LUZP2: variants seen among roughly 807,000 people sequenced by gnomAD.
LUZP2 encodes leucine zipper protein 2.
In LUZP2, 52 loss-of-function variants were observed where a neutral mutation model predicts 51.6. That is an observed-to-expected ratio of 1.01 (90% CI 0.81 to 1.27). The LOEUF (loss-of-function observed/expected upper bound fraction) is 1.27, where lower values mean the gene tolerates loss of function less well. LUZP2 is among the 50% of genes most tolerant of loss of function. The pLI is 0.00. For missense variants in LUZP2, 436 were observed against 395.4 expected, an observed-to-expected ratio of 1.10 and a Z score of -0.87; for synonymous variants, 154 against 137.3, an observed-to-expected ratio of 1.12 and a Z score of -0.85.
intron 1 of LUZP2, among the ~76,000 whole-genome samples, chr11:24,607,079 T>C (rs1853946835): frequency 6.6e-6 from 1 of 152,028 alleles, no homozygotes; most frequent in South Asian, 2.1e-4. Flanking sequence ...TTTTGTATTC[T>C]ATAGGCTTCC....
rs574265322 is a variant in LUZP2 at position 24,654,963 on chromosome 11, C to T, written c.63-74206C>T. Among the ~76,000 whole-genome samples the T allele has an allele frequency of 2.6e-5, 4 of 151,744 alleles. No homozygotes were observed. In the East Asian group the frequency reaches 7.8e-4, roughly 29 times the overall value. On this transcript the variant is annotated intron_variant, in intron 1 of 11. Transcript: ENST00000336930. ...TTTGTTTGGATACTTAGACTAAGTT[C>T]CTATAATAAACATAAAATGAGCCAA...
intron 9 of LUZP2, among the ~76,000 whole-genome samples, chr11:24,989,148 G>A (rs1333004122): frequency 3.3e-5 from 5 of 151,798 alleles, no homozygotes; most frequent in African/African-American, 1.2e-4. Flanking sequence ...AAATGTCAAT[G>A]GGAAGCCATC....
At chr11:24,891,487 T>A in intron 5 of LUZP2, 2 of 948,676 alleles carry the variant, frequency 2.1e-6, no homozygotes, top group Non-Finnish European at 2.5e-6. Context: ...ACTATAAAGC[T>A]ATATTATTAT....
At chr11:24,573,737 T>C in intron 1 of LUZP2, among the ~76,000 whole-genome samples, 1 of 151,230 alleles carries the variant, frequency 6.6e-6, no homozygotes, top group East Asian at 1.9e-4. Flanking sequence ...TTTTGCTTCC[T>C]TATGAATATT....
At chr11:24,877,215 T>C (rs1457153913) in intron 5 of LUZP2, among the ~76,000 whole-genome samples, 1 of 152,162 alleles carries the variant, frequency 6.6e-6, no homozygotes, top group African/African-American at 2.4e-5. Context: ...GTGATAAATA[T>C]GCCTGAAAAT....
At chr11:24,526,693 C>T (rs913505325) in intron 1 of LUZP2, among the ~76,000 whole-genome samples, 3 of 151,200 alleles carry the variant, frequency 2.0e-5, no homozygotes, top group East Asian at 1.9e-4. Context: ...CACGATTAAC[C>T]TGAGTTTTAT....
At chr11:24,938,996 G>A (rs1220760259) in intron 7 of LUZP2, among the ~76,000 whole-genome samples, 2 of 152,102 alleles carry the variant, frequency 1.3e-5, no homozygotes, top group Admixed American at 1.3e-4. Context: ...GAGTCTAATG[G>A]TCTAGCCACA....
intron 1 of LUZP2, among the ~76,000 whole-genome samples, chr11:24,589,653 T>G (rs1853192240): frequency 6.6e-6 from 1 of 152,192 alleles, no homozygotes; most frequent in Non-Finnish European, 1.5e-5. Context: ...TAAGGAATTC[T>G]TTGAATTTTC....
At chr11:24,917,444 C>T (rs1853828803) in intron 7 of LUZP2, among the ~76,000 whole-genome samples, 2 of 152,102 alleles carry the variant, frequency 1.3e-5, no homozygotes, top group Admixed American at 1.3e-4. Flanking sequence ...CCTAGGTTTT[C>T]TTCTAGGATT....
intron 5 of LUZP2, among the ~76,000 whole-genome samples, chr11:24,777,280 A>C (rs1167508402): frequency 6.6e-6 from 1 of 152,106 alleles, no homozygotes; most frequent in Non-Finnish European, 1.5e-5. Flanking sequence ...GGCTTGAGCC[A>C]CCGCGCCCGG....
chr11:24,621,961 TA>T (rs137885610), intron 1 of LUZP2, among the ~76,000 whole-genome samples: 2,898 of 147,388 alleles, frequency 0.02, 100 homozygotes, highest in African/African-American at 0.068. Context: ...CATACATCTT[TA>T]AAAAAAAAAA....
intron 5 of LUZP2, among the ~76,000 whole-genome samples, chr11:24,904,680 T>C (rs181980077): frequency 6.6e-6 from 1 of 152,284 alleles, no homozygotes; most frequent in African/African-American, 2.4e-5. Context: ...GCTGAGTAGT[T>C]TGCAAATACG....
chr11:24,824,652 C>T (rs1850471171), intron 5 of LUZP2, among the ~76,000 whole-genome samples: 1 of 151,758 alleles, frequency 6.6e-6, no homozygotes, highest in East Asian at 1.9e-4. Flanking sequence ...GAATAAATTA[C>T]AAATTCCCCC....
intron 9 of LUZP2, among the ~76,000 whole-genome samples, chr11:25,024,886 T>A (rs1288439620): frequency 6.7e-6 from 1 of 149,922 alleles, no homozygotes; most frequent in South Asian, 2.1e-4. Flanking sequence ...CGCTACCTGA[T>A]TTCAAACTAT....
chr11:24,703,226 A>C (rs1041569504), intron 1 of LUZP2, among the ~76,000 whole-genome samples: 1 of 152,202 alleles, frequency 6.6e-6, no homozygotes, highest in African/African-American at 2.4e-5. Context: ...TGTATCAGTT[A>C]ATAAGCTTGT....
At chr11:24,667,884 A>G (rs1220176373) in intron 1 of LUZP2, among the ~76,000 whole-genome samples, 1 of 152,218 alleles carries the variant, frequency 6.6e-6, no homozygotes, top group East Asian at 1.9e-4. Flanking sequence ...AGAGAAATAA[A>G]TTATCTAATG....
At chr11:24,501,926 G>C (rs944999958) in intron 1 of LUZP2, among the ~76,000 whole-genome samples, 2 of 152,082 alleles carry the variant, frequency 1.3e-5, no homozygotes, top group African/African-American at 4.8e-5. Flanking sequence ...TACTTTCCAA[G>C]GATATTGAAA....
chr11:24,833,073 C>T (rs534709669), intron 5 of LUZP2, among the ~76,000 whole-genome samples: 1 of 152,276 alleles, frequency 6.6e-6, no homozygotes, highest in East Asian at 1.9e-4. Context: ...TCCTGAATGA[C>T]ATTCTGTAAA....
chr11:24,509,249 T>A (rs1850230641), intron 1 of LUZP2, among the ~76,000 whole-genome samples: 1 of 152,092 alleles, frequency 6.6e-6, no homozygotes, highest in Non-Finnish European at 1.5e-5. Flanking sequence ...TACCATATGA[T>A]AATAACAGCC....
Sources: allele counts gnomAD v4.1 joint callset (sites outside exome capture counted in the v4.1 genomes callset), GRCh38; gene constraint gnomAD v4.1.1; transcripts MANE v1.5; gene names NCBI Gene and HGNC (gene_info 2026-07-23, HGNC 2026-07-21).